Variants in GRB2 observed in about 807,000 individuals in gnomAD.
The protein encoded by GRB2 is growth factor receptor bound protein 2, also known as growth factor receptor-bound protein 2.
In GRB2, 2 loss-of-function variants were observed where a neutral mutation model predicts 27.4. That is an observed-to-expected ratio of 0.07 (90% CI 0.03 to 0.23). The LOEUF (loss-of-function observed/expected upper bound fraction) is 0.23. GRB2 is among the 10% of genes least tolerant of loss of function. GRB2 has a pLI of 1.00. For missense variants in GRB2, 102 were observed against 282.4 expected, an observed-to-expected ratio of 0.36 and a Z score of 4.58; for synonymous variants, 94 against 99.6, an observed-to-expected ratio of 0.94 and a Z score of 0.33.
chr17:75,383,023 T>TGCACAATCCCAAAGC, intron 2 of GRB2, among the ~76,000 whole-genome samples: 8 of 152,252 alleles, frequency 5.3e-5, no homozygotes, highest in South Asian at 2.1e-4. Flanking sequence ...TCCTTAAGAT[T>TGCACAATCCCAAAGC]TTTAAAAGTT....
In GRB2 at chr17:75,393,563, C is replaced by T. The variant is rs1434651835; in HGVS notation, c.66G>A (p.Gly22=). The change falls in exon 2 of 6, where the codon GGG becomes GGA. Residue 22 remains glycine (G), a synonymous_variant. Transcript: ENST00000316804. ...TADDELSFKR[G]DILKVLNEEC... ...CATCAGCACTTACCTTGAGGATGTC[C>T]CCCCTTTTGAAGCTCAGCTCGTCGT... 2.5e-6 allele frequency: 4 copies of T among 1,613,760 alleles called. No homozygotes were observed. The Admixed American group carries it at 5.0e-5, about 20-fold the overall frequency.
In GRB2 at chr17:75,349,242, A is replaced by G. The variant is rs1038724092; in HGVS notation, c.79-16445T>C. ...ATTGCTCTCTTTTGATGGAGCTGTC[A>G]TATGTTTCAATGATAAATGGTAATT... On this transcript the variant is annotated intron_variant, in intron 2 of 5. Transcript: ENST00000316804. Among the ~76,000 whole-genome samples, 9 of 152,174 alleles carry G rather than the reference A, an allele frequency of 5.9e-5. No homozygotes were observed. The South Asian group carries it at 1.9e-3, about 31-fold the overall frequency.
intron 1 of GRB2, chr17:75,393,998 A>G: frequency 3.2e-6 from 1 of 314,576 alleles, no homozygotes; most frequent in South Asian, 4.1e-5. Context: ...GCTATTCCTG[A>G]ACACACTTCC....
intron 2 of GRB2, among the ~76,000 whole-genome samples, chr17:75,358,503 A>C (rs1328856269): frequency 2.0e-5 from 3 of 151,962 alleles, no homozygotes; most frequent in African/African-American, 7.3e-5. Flanking sequence ...AGCTCTGTAT[A>C]TTCATGGCAT....
chr17:75,320,253 C>T lies in GRB2; in HGVS notation c.*115G>A. 1.1e-6 allele frequency: 1 copy of T among 903,694 alleles called. No homozygotes were observed. The highest frequency in any genetic ancestry group is 1.8e-6 in the Non-Finnish European group (1 of 567,062). The allele number at this position is 903,694 out of a possible 1,614,324, so 56.0% of individuals were successfully genotyped here. ...CAAAGTGAGAGGGTCACAGGGTGAC[C>T]CGGCCAGGTGTTCTGCACTCCCTCA... is the stretch of plus-strand genomic sequence containing the variant. On this transcript the variant is annotated 3_prime_UTR_variant, in exon 6 of 6. Transcript: ENST00000316804. This position sits in a 1 kb window ranked among gnomAD's most constrained non-coding sequence, Gnocchi z 4.3.
chr17:75,339,301 C>T lies in GRB2; in HGVS notation c.79-6504G>A, dbSNP rs572110213. Reference sequence around the variant, plus strand: ...CTCCGCCTCCTGGGTTCACGCCATTCTCCTGCCTCAGCCTCCTGAGTAGCT... The same window carrying T: ...CTCCGCCTCCTGGGTTCACGCCATTTTCCTGCCTCAGCCTCCTGAGTAGCT... On this transcript the variant is annotated intron_variant, in intron 2 of 5. Transcript: ENST00000316804. 8.7e-5 allele frequency among the ~76,000 whole-genome samples: 13 copies of T among 150,284 alleles called. No individual in the cohort carries two copies. In the South Asian group the frequency reaches 2.8e-3, roughly 32 times the overall value.
At chr17:75,325,380 C>A (rs554968917) in intron 4 of GRB2, among the ~76,000 whole-genome samples, 1 of 152,208 alleles carries the variant, frequency 6.6e-6, no homozygotes, top group East Asian at 1.9e-4. Flanking sequence ...CTCTCCATGG[C>A]GGCAGAACTT....
At chr17:75,342,619 A>C (rs1000581231) in intron 2 of GRB2, among the ~76,000 whole-genome samples, 1 of 152,110 alleles carries the variant, frequency 6.6e-6, no homozygotes, top group Non-Finnish European at 1.5e-5. Context: ...GATCCTAGAA[A>C]GACTGCCATG....
At chr17:75,340,141 G>A (rs1225057510) in intron 2 of GRB2, among the ~76,000 whole-genome samples, 3 of 151,994 alleles carry the variant, frequency 2.0e-5, no homozygotes, top group Non-Finnish European at 4.4e-5. Context: ...CTTTCAACAC[G>A]CGCTCCAATT....
intron 3 of GRB2, among the ~76,000 whole-genome samples, 163 bp downstream of exon 3, chr17:75,332,537 T>C (rs1325494422): frequency 2.0e-5 from 3 of 152,192 alleles, no homozygotes; most frequent in Non-Finnish European, 4.4e-5. Context: ...GACTATGATA[T>C]ATTATTATAT....
At chr17:75,325,158 G>A (rs981777778) in intron 4 of GRB2, among the ~76,000 whole-genome samples, 2 of 152,146 alleles carry the variant, frequency 1.3e-5, no homozygotes, top group African/African-American at 4.8e-5. Context: ...TCTAAACTAA[G>A]TAGTGATCTG....
At chr17:75,392,453 T>C (rs775406740) in intron 2 of GRB2, among the ~76,000 whole-genome samples, 13 of 152,164 alleles carry the variant, frequency 8.5e-5, no homozygotes, top group Non-Finnish European at 1.9e-4. Context: ...CCTTGGGCAA[T>C]GAGGGCAAAA....
Position 75,351,004 on chromosome 17 carries a change from C to T in GRB2, c.79-18207G>A, listed in dbSNP as rs574012932. ...CCGACTGTGCAGGGCAGAATAAGGA[C>T]TTGGGGAATTTGCTCATTAGGATGA... On this transcript the variant is annotated intron_variant, in intron 2 of 5. Transcript: ENST00000316804. Among the ~76,000 whole-genome samples, 4 of 152,172 alleles carry T rather than the reference C, an allele frequency of 2.6e-5. No individual in the cohort carries two copies. The South Asian group carries it at 8.3e-4, about 32-fold the overall frequency.
At chr17:75,403,980 G>T (rs1449638695) in intron 1 of GRB2, among the ~76,000 whole-genome samples, 1 of 151,860 alleles carries the variant, frequency 6.6e-6, no homozygotes. Context: ...GGACATGGTG[G>T]TGGGCGCCTG....
intron 2 of GRB2, among the ~76,000 whole-genome samples, chr17:75,335,820 G>A (rs1035314088): frequency 2.6e-5 from 4 of 152,034 alleles, no homozygotes; most frequent in South Asian, 2.1e-4. Context: ...TTTGTTTCTC[G>A]TAAAAAAATC....
intron 2 of GRB2, among the ~76,000 whole-genome samples, chr17:75,355,615 A>G (rs1016844220): frequency 6.6e-6 from 1 of 151,892 alleles, no homozygotes; most frequent in Admixed American, 6.6e-5. Context: ...GCTTAAAAAA[A>G]AAAAAAAAAG....
chr17:75,335,230 G>C (rs1019766645), intron 2 of GRB2, among the ~76,000 whole-genome samples: 2 of 152,096 alleles, frequency 1.3e-5, no homozygotes, highest in South Asian at 4.1e-4. Flanking sequence ...ACAACAAAAG[G>C]CAAAGGGCAG....
rs2079011593 is a variant in GRB2, at chr17:75,393,571, T to G, written c.58A>C (p.Lys20Gln). The change falls in exon 2 of 6, where the codon AAA (lysine) becomes CAA (glutamine). Residue 20 changes from lysine to glutamine, a missense_variant. This residue lies in a region of GRB2 where 45 missense variants were observed against 110.6 expected (regional missense o/e 0.41). Coordinates refer to ENST00000316804, the MANE Select transcript of GRB2 (RefSeq NM_002086.5). Reference sequence around the variant, plus strand: ...CTTACCTTGAGGATGTCCCCCCTTTTGAAGCTCAGCTCGTCGTCTGCAGTA... The same window carrying G: ...CTTACCTTGAGGATGTCCCCCCTTTGGAAGCTCAGCTCGTCGTCTGCAGTA... Reference protein sequence around the residue: ...KATADDELSFKRGDILKVLNE... With the variant: ...KATADDELSFQRGDILKVLNE... The G allele has an allele frequency of 6.2e-7, 1 of 1,614,046 alleles. No individual in the cohort carries two copies. Among genetic ancestry groups the G allele is most frequent in the Non-Finnish European group, 8.5e-7 (1 of 1,179,972 alleles).
chr17:75,395,840 G>GTTT, intron 1 of GRB2, among the ~76,000 whole-genome samples: 1 of 139,518 alleles, frequency 7.2e-6, no homozygotes, highest in Non-Finnish European at 1.6e-5. Context: ...TACTTTTTGT[G>GTTT]TTTTTTTTTT....
Sources: gnomAD v4.1 joint callset for allele counts (sites outside exome capture counted in the v4.1 genomes callset) on GRCh38, gnomAD v4.1.1 for gene constraint, gnomAD v4.1.1 regional missense constraint, Gnocchi (gnomAD v3.1) non-coding constraint, MANE v1.5 for transcripts, NCBI Gene and HGNC (gene_info 2026-07-23, HGNC 2026-07-21) for gene names.